Variants in ZFP64 observed in about 807,000 individuals in gnomAD.
ZFP64 encodes the protein ZFP64 zinc finger protein.
ZFP64 carries 14 observed loss-of-function variants against 51.6 expected under a neutral mutation model. The ratio of observed to expected loss-of-function variants is 0.27; its 90% CI spans 0.18 to 0.42. The LOEUF (loss-of-function observed/expected upper bound fraction) is 0.42, where lower values mean the gene tolerates loss of function less well. Among genes scored for constraint, ZFP64 ranks in the 10% least tolerant of loss-of-function variants. The probability of loss-of-function intolerance (pLI) is 1.00; values close to 1 mark genes in which losing one functional copy is unlikely to be tolerated. For missense variants in ZFP64, 754 were observed against 906.8 expected (o/e 0.83, Z 2.16); for synonymous variants, 375 against 361.4 (o/e 1.04, Z -0.43).
At chr20:52,121,537 G>T (rs1443055246) in intron 5 of ZFP64, among the ~76,000 whole-genome samples, 1 of 152,212 alleles carries the variant, frequency 6.6e-6, no homozygotes, top group Non-Finnish European at 1.5e-5. Context: ...GGCTGAGAGA[G>T]GTGAGGAAGC....
At chr20:52,100,691 A>G (rs202145091) in intron 5 of ZFP64, among the ~76,000 whole-genome samples, 1 of 152,248 alleles carries the variant, frequency 6.6e-6, no homozygotes, top group Admixed American at 6.5e-5. Flanking sequence ...GAGAGGCTGT[A>G]GAGCACAGTG....
In ZFP64 at chr20:52,164,694, C is replaced by A; in HGVS notation, c.511+1G>T. 1 of 1,613,472 alleles carries A rather than the reference C, an allele frequency of 6.2e-7. No homozygotes were observed. The highest frequency in any genetic ancestry group is 8.5e-7 in the Non-Finnish European group (1 of 1,179,716). On this transcript the variant is annotated splice_donor_variant, in intron 4 of 5. Transcript: ENST00000216923. LOFTEE classifies it high-confidence loss of function. ...ATATGCGCTAAAGAAATGCTACTTA[C>A]CCGTGTGAATTTTTAAATGCCGCTC...
intron 7 of ZFP64, among the ~76,000 whole-genome samples, chr20:52,093,017 C>T (rs2078945181): frequency 2.0e-5 from 3 of 152,172 alleles, no homozygotes; most frequent in African/African-American, 2.4e-5. Flanking sequence ...TTGGACATGA[C>T]GTACTCCGGC....
chr20:52,139,848 G>GTTTT (rs555986732), intron 5 of ZFP64, among the ~76,000 whole-genome samples: 5 of 129,840 alleles, frequency 3.9e-5, no homozygotes, highest in South Asian at 2.6e-4. Flanking sequence ...GCGCTGAGTT[G>GTTTT]TTTTTTTTTT....
chr20:52,141,120 C>T (rs6096792), intron 5 of ZFP64, among the ~76,000 whole-genome samples: 24,463 of 152,050 alleles, frequency 0.16, 2,173 homozygotes, highest in Non-Finnish European at 0.2. Flanking sequence ...AATATTACTG[C>T]TTATTGACAA....
Position 52,174,628 on chromosome 20 carries a change from A to G in ZFP64, c.287-8603T>C, listed in dbSNP as rs138093646. Among the ~76,000 whole-genome samples the G allele has an allele frequency of 3.5e-3, 535 of 152,284 alleles. 6 individuals are homozygous for G. Among genetic ancestry groups the G allele is most frequent in the African/African-American group, 0.012 (504 of 41,546 alleles). Reference sequence around the variant, plus strand: ...GTCATTCATCGAAAACACAACCTCTAATGGCCACATAATATTTCATCATTT... The same window carrying G: ...GTCATTCATCGAAAACACAACCTCTGATGGCCACATAATATTTCATCATTT... On this transcript the variant is annotated intron_variant, in intron 2 of 5. Coordinates refer to ENST00000216923, the MANE Select transcript of ZFP64 (RefSeq NM_018197.3).
chr20:52,107,189 G>T (rs1038801679), intron 5 of ZFP64, among the ~76,000 whole-genome samples: 2 of 152,164 alleles, frequency 1.3e-5, no homozygotes, highest in African/African-American at 4.8e-5. Flanking sequence ...GTTGAAAGAG[G>T]GGTGCATGGG....
intron 5 of ZFP64, among the ~76,000 whole-genome samples, chr20:52,119,555 C>CAT (rs1160872873): frequency 0.064 from 4,969 of 77,582 alleles, 393 homozygotes; most frequent in African/African-American, 0.21. Flanking sequence ...TATATATATA[C>CAT]ATATATATAT....
At chr20:52,117,445 C>T (rs955377205) in intron 5 of ZFP64, among the ~76,000 whole-genome samples, 1 of 152,042 alleles carries the variant, frequency 6.6e-6, no homozygotes, top group African/African-American at 2.4e-5. Flanking sequence ...ATGGTGAAAC[C>T]TTGTCTCTAC....
Position 52,085,203 on chromosome 20 carries a change from C to T in ZFP64, c.1292G>A (p.Arg431Lys). Residue 431 changes from arginine to lysine, a missense_variant, in exon 9 of 9, where the codon AGG becomes AAG. Coordinates refer to the ZFP64 transcript ENST00000361387. This position sits in a 1 kb window ranked among gnomAD's most constrained non-coding sequence, Gnocchi z 4.3. ...CTCCCCCGAGTGCACGATCATGTGC[C>T]TTTTCAAGTCCGAGCTGATTTTGAA... 1 of 1,614,198 alleles carries T rather than the reference C, an allele frequency of 6.2e-7. No homozygotes were observed. The highest frequency in any genetic ancestry group is 8.5e-7 in the Non-Finnish European group (1 of 1,180,026).
intron 2 of ZFP64, 73 bp from the exon 3 acceptor site, chr20:52,166,098 T>C: frequency 6.8e-7 from 1 of 1,460,670 alleles, no homozygotes; most frequent in Non-Finnish European, 9.2e-7. Context: ...TACTTTCCTT[T>C]GTAGAGAGAA....
At chr20:52,103,057 C>T (rs2079070482) in intron 5 of ZFP64, among the ~76,000 whole-genome samples, 1 of 151,868 alleles carries the variant, frequency 6.6e-6, no homozygotes, top group Admixed American at 6.6e-5. Context: ...TTTAGACACC[C>T]AGGAAACCAA....
At chr20:52,095,280 G>T (rs1373325269) in intron 7 of ZFP64, among the ~76,000 whole-genome samples, 1 of 152,166 alleles carries the variant, frequency 6.6e-6, no homozygotes, top group African/African-American at 2.4e-5. Context: ...TGGCCAAACA[G>T]ATGAGCTCGA....
chr20:52,117,659 G>A, intron 5 of ZFP64: 1 of 456,648 alleles, frequency 2.2e-6, no homozygotes, highest in Non-Finnish European at 4.4e-6. Flanking sequence ...AGATTCCCAT[G>A]TGACTTCTTC....
chr20:52,099,729 A>C (rs1283928580), intron 5 of ZFP64, among the ~76,000 whole-genome samples: 1 of 152,248 alleles, frequency 6.6e-6, no homozygotes, highest in Non-Finnish European at 1.5e-5. Flanking sequence ...GCAGGGAGAG[A>C]GCTGGCATAA....
downstream of ZFP64, among the ~76,000 whole-genome samples, chr20:52,150,761 C>G (rs192809393): frequency 3.8e-4 from 58 of 152,352 alleles, 1 homozygote; most frequent in East Asian, 0.011. Flanking sequence ...TCCTTGCTGA[C>G]AGCAGAAATG....
Position 52,143,363 on chromosome 20 carries a change from A to T in ZFP64, c.763+16760T>A, listed in dbSNP as rs1236128146. 2.1e-5 allele frequency among the ~76,000 whole-genome samples: 3 copies of T among 143,032 alleles called. 1 individual carries two copies. The East Asian group carries it at 7.2e-4, about 34-fold the overall frequency. The allele number at this position is 143,032 out of a possible 152,430, so 93.8% of individuals were successfully genotyped here. A position where few individuals can be genotyped will look rare whatever the true frequency, so the allele number is the denominator to read the frequency against. On this transcript the variant is annotated intron_variant, in intron 5 of 8. Coordinates refer to the ZFP64 transcript ENST00000361387. ...CTGAAATAACAAAGTCTAGAAGTTT[A>T]TGGAAAGAAGGGCATGTCATATAAA... is the stretch of plus-strand genomic sequence containing the variant.
chr20:52,150,074 G>A (rs1190445101), downstream of ZFP64, among the ~76,000 whole-genome samples: 2 of 151,838 alleles, frequency 1.3e-5, no homozygotes, highest in African/African-American at 2.4e-5. Context: ...ACTTGGTTGC[G>A]GGTGCCTAGA....
intron 2 of ZFP64, among the ~76,000 whole-genome samples, chr20:52,167,200 C>T (rs907267076): frequency 6.6e-6 from 1 of 151,884 alleles, no homozygotes; most frequent in African/African-American, 2.4e-5. Flanking sequence ...TGGCGGGCAC[C>T]TGAAATCTCA....
Sources: gnomAD v4.1 joint callset for allele counts (sites outside exome capture counted in the v4.1 genomes callset) on GRCh38, gnomAD v4.1.1 for gene constraint, Gnocchi (gnomAD v3.1) non-coding constraint, MANE v1.5 for transcripts, NCBI Gene and HGNC (gene_info 2026-07-23, HGNC 2026-07-21) for gene names.